The following PGM1 variants were observed in gnomAD, a reference collection of about 807,000 sequenced individuals.
PGM1 encodes phosphoglucomutase 1.
Under a neutral mutation model 55.6 loss-of-function variants are expected in PGM1, and 52 were observed. That is an observed-to-expected ratio of 0.94 (90% CI 0.75 to 1.18). PGM1 has a LOEUF of 1.18. Ranked by LOEUF, PGM1 falls within the 50% of genes most tolerant of loss-of-function variation. PGM1 has a pLI of 0.00. For synonymous variants in PGM1, 287 were observed against 271.7 expected, an observed-to-expected ratio of 1.06 and a Z score of -0.55; for missense variants, 724 against 729.3, an observed-to-expected ratio of 0.99 and a Z score of 0.08.
intron 1 of PGM1, among the ~76,000 whole-genome samples, chr1:63,619,784 C>T (rs76001851): frequency 0.015 from 2,348 of 152,248 alleles, 57 homozygotes; most frequent in African/African-American, 0.053. Flanking sequence ...AAGGCCATCC[C>T]GCTATGATGG....
At chr1:63,599,731 C>T (rs1648184001) in intron 1 of PGM1, among the ~76,000 whole-genome samples, 1 of 152,120 alleles carries the variant, frequency 6.6e-6, no homozygotes, top group East Asian at 1.9e-4. Context: ...GTCAAGGCTT[C>T]AGTGAGCTGT....
chr1:63,621,602 A>G (rs1030081517), intron 1 of PGM1, among the ~76,000 whole-genome samples: 3 of 152,210 alleles, frequency 2.0e-5, no homozygotes, highest in Admixed American at 6.5e-5. Flanking sequence ...ACGTTGAAAA[A>G]CAGTGGTTAT....
intron 1 of PGM1, among the ~76,000 whole-genome samples, chr1:63,606,397 G>A (rs1648417606): frequency 6.6e-6 from 1 of 152,144 alleles, no homozygotes; most frequent in African/African-American, 2.4e-5. Context: ...CCTGGGTGTG[G>A]GCAGTCCAGG....
intron 8 of PGM1, chr1:63,651,302 G>C (rs1649800233): frequency 7.7e-6 from 2 of 259,136 alleles, no homozygotes; most frequent in Non-Finnish European, 1.5e-5. Flanking sequence ...CTCCTTTCAA[G>C]AGAGTTCTCC....
chr1:63,595,812 A>G (rs1438236198), intron 1 of PGM1, among the ~76,000 whole-genome samples: 1 of 152,156 alleles, frequency 6.6e-6, no homozygotes. Flanking sequence ...ATTTGGGAGT[A>G]GTGTGGGGTG....
chr1:63,629,124 G>A (rs1649117901), intron 1 of PGM1, among the ~76,000 whole-genome samples: 1 of 152,100 alleles, frequency 6.6e-6, no homozygotes, highest in African/African-American at 2.4e-5. Context: ...GATCTGGAAA[G>A]GCTCTTTTTA....
intron 10 of PGM1, 61 bp from the exon 11 acceptor site, chr1:63,659,525 G>A: frequency 7.4e-7 from 1 of 1,360,226 alleles, no homozygotes; most frequent in South Asian, 1.2e-5. Context: ...GTACGGGTTT[G>A]GAGCTAAGCA....
chr1:63,603,087 C>T (rs530246744), intron 1 of PGM1, among the ~76,000 whole-genome samples: 1 of 152,194 alleles, frequency 6.6e-6, no homozygotes, highest in African/African-American at 2.4e-5. Context: ...CCCCTCACTG[C>T]CCCCCAACTC....
chr1:63,657,161 T>C (rs955798393), intron 10 of PGM1, among the ~76,000 whole-genome samples: 24 of 152,254 alleles, frequency 1.6e-4, no homozygotes, highest in African/African-American at 4.8e-4. Context: ...ATGCTTATTT[T>C]TCCACAAAGG....
In PGM1 at chr1:63,651,585, C is replaced by T; in HGVS notation, c.1281-84C>T. 1.3e-5 allele frequency: 17 copies of T among 1,339,244 alleles called. No individual in the cohort carries two copies. The South Asian group carries it at 1.8e-4, about 14-fold the overall frequency. The allele number at this position is 1,339,244 out of a possible 1,614,324, so 83.0% of individuals were successfully genotyped here. On this transcript the variant is annotated intron_variant, in intron 8 of 10. Transcript: ENST00000371084. Reference sequence around the variant, plus strand: ...TAGATAGTTTTGCGGGAGGGCCAAACAAATGATGAAGAAAGTGCTGACTGA... The same window carrying T: ...TAGATAGTTTTGCGGGAGGGCCAAATAAATGATGAAGAAAGTGCTGACTGA...
At chr1:63,616,326 A>G (rs935590085) in intron 1 of PGM1, among the ~76,000 whole-genome samples, 11 of 152,202 alleles carry the variant, frequency 7.2e-5, no homozygotes, top group Non-Finnish European at 1.3e-4. Flanking sequence ...CTTACTTATG[A>G]AAAGGGGTTC....
rs1161161385 is a variant in PGM1, at chr1:63,615,550, C to CTTTTTTTTTTTTTTTTT, written c.247-13861_247-13845dup. Among the ~76,000 whole-genome samples, 23 of 62,988 alleles carry CTTTTTTTTTTTTTTTTT rather than the reference C, an allele frequency of 3.7e-4. 2 individuals carry two copies. The highest frequency in any genetic ancestry group is 1.0e-3 in the African/African-American group (15 of 14,826). The allele number at this position is 62,988 out of a possible 152,430, so 41.3% of individuals were successfully genotyped here. ...CCATTTCTCTCCTCTTCTTCTTCTT[C>CTTTTTTTTTTTTTTTTT]TTTTTTTTTTTTTTTTTTTTTTTTT... On this transcript the variant is annotated intron_variant, in intron 1 of 10. Transcript: ENST00000371084.
In PGM1 at chr1:63,612,126, G is replaced by A. The variant is rs143726017; in HGVS notation, c.247-17299G>A. On this transcript the variant is annotated intron_variant, in intron 1 of 10. Transcript: ENST00000371084. ...ACAAAAATTAGCCGGGCATGGTGGC[G>A]CGTGCCTGTAATCCCAGCTACTTGG... Among the ~76,000 whole-genome samples the A allele has an allele frequency of 3.4e-4, 52 of 150,894 alleles. No individual in the cohort carries two copies. In the East Asian group the frequency reaches 6.4e-3, roughly 18 times the overall value.
At chr1:63,625,388 C>T (rs1648990622) in intron 1 of PGM1, among the ~76,000 whole-genome samples, 1 of 152,190 alleles carries the variant, frequency 6.6e-6, no homozygotes, top group South Asian at 2.1e-4. Flanking sequence ...TTAAAAATAG[C>T]ACTGCATTTA....
At chr1:63,623,560 A>C in intron 1 of PGM1, 1 of 1,612,854 alleles carries the variant, frequency 6.2e-7, no homozygotes, top group Non-Finnish European at 8.5e-7. Flanking sequence ...CCACGATCAG[A>C]AACCAGGAAC....
intron 5 of PGM1, among the ~76,000 whole-genome samples, chr1:63,635,793 C>G (rs1195969655): frequency 6.6e-6 from 1 of 152,108 alleles, no homozygotes; most frequent in Admixed American, 6.5e-5. Context: ...TTTTGGCCAC[C>G]CTCCCAGTTA....
chr1:63,638,666 T>C lies in PGM1; in HGVS notation c.1029-19T>C, dbSNP rs1447942232. 21 of 1,545,860 alleles carry C rather than the reference T, an allele frequency of 1.4e-5. No individual in the cohort carries two copies. Among genetic ancestry groups the C allele is most frequent in the Non-Finnish European group, 1.8e-5 (20 of 1,117,698 alleles). ...TAACAGTCCTGCTGTGATGTAACTT[T>C]GATTTCATGCCTTTGAAGGGTGGCT... On this transcript the variant is annotated intron_variant, in intron 6 of 10. Coordinates refer to ENST00000371084, the MANE Select transcript of PGM1 (RefSeq NM_002633.3).
intron 1 of PGM1, among the ~76,000 whole-genome samples, chr1:63,596,927 C>G (rs1167136709): frequency 6.6e-6 from 1 of 152,210 alleles, no homozygotes; most frequent in Non-Finnish European, 1.5e-5. Context: ...CTTTTGTATT[C>G]TAGCACTTGA....
chr1:63,609,941 T>G (rs547480836), intron 1 of PGM1, among the ~76,000 whole-genome samples: 7 of 152,314 alleles, frequency 4.6e-5, no homozygotes, highest in Non-Finnish European at 7.3e-5. Context: ...CAACTTACAA[T>G]GGGTTCCAAA....
Sources: gnomAD v4.1 joint callset for allele counts (sites outside exome capture counted in the v4.1 genomes callset) on GRCh38, gnomAD v4.1.1 for gene constraint, MANE v1.5 for transcripts, NCBI Gene and HGNC (gene_info 2026-07-23, HGNC 2026-07-21) for gene names.